Variants in MCC observed in about 807,000 individuals in gnomAD.
MCC encodes MCC regulator of Wnt signaling pathway, also known as colorectal mutant cancer protein.
Under a neutral mutation model 116.2 loss-of-function variants are expected in MCC, and 90 were observed. The observed-to-expected ratio is 0.77, with a 90% CI of 0.65 to 0.92. MCC has a LOEUF of 0.92. MCC is among the 40% of genes least tolerant of loss of function. The pLI is 0.00. For missense variants in MCC, 1,516 were observed against 1,312.2 expected (o/e 1.16, Z -2.40); for synonymous variants, 578 against 510.5 (o/e 1.13, Z -1.78).
intron 3 of MCC, among the ~76,000 whole-genome samples, chr5:113,157,341 T>A (rs769528596): frequency 6.6e-6 from 1 of 152,166 alleles, no homozygotes; most frequent in Non-Finnish European, 1.5e-5. Flanking sequence ...TGAAACACAG[T>A]TGGTAAAAAG....
intron 6 of MCC, among the ~76,000 whole-genome samples, chr5:113,118,006 G>A: frequency 6.6e-6 from 1 of 152,188 alleles, no homozygotes; most frequent in East Asian, 1.9e-4. Flanking sequence ...AGTATCAAAG[G>A]AAAGCCATCT....
chr5:113,326,276 C>G (rs1838208), intron 3 of MCC, among the ~76,000 whole-genome samples: 19,574 of 152,122 alleles, frequency 0.13, 1,946 homozygotes, highest in Admixed American at 0.27. Context: ...TCATTACATA[C>G]TATTTATGTA....
chr5:113,207,130 C>G (rs1223392102), intron 3 of MCC, among the ~76,000 whole-genome samples: 1 of 152,162 alleles, frequency 6.6e-6, no homozygotes, highest in Non-Finnish European at 1.5e-5. Flanking sequence ...GACACACATA[C>G]ACACAAAAAG....
At chr5:113,435,355 T>C (rs1228937544) in intron 1 of MCC, among the ~76,000 whole-genome samples, 1 of 151,642 alleles carries the variant, frequency 6.6e-6, no homozygotes, top group Non-Finnish European at 1.5e-5. Context: ...TACCCCAAGA[T>C]AGTAGCAGAC....
At chr5:113,166,287 A>C (rs1257544244) in intron 3 of MCC, among the ~76,000 whole-genome samples, 1 of 152,232 alleles carries the variant, frequency 6.6e-6, no homozygotes, top group Non-Finnish European at 1.5e-5. Flanking sequence ...GGCAGTGACT[A>C]GAAATACTGA....
chr5:113,207,640 G>C (rs757068672), intron 3 of MCC, among the ~76,000 whole-genome samples: 74 of 152,114 alleles, frequency 4.9e-4, no homozygotes, highest in Non-Finnish European at 9.1e-4. Flanking sequence ...TCTCAGCAGG[G>C]CTCCCTTGAA....
chr5:113,376,853 C>T (rs1171839986), intron 2 of MCC, among the ~76,000 whole-genome samples: 1 of 152,112 alleles, frequency 6.6e-6, no homozygotes, highest in Non-Finnish European at 1.5e-5. Context: ...CCAGGCCTGG[C>T]CAATCAGATC....
At chr5:113,148,390 C>T (rs1302807932) in intron 4 of MCC, among the ~76,000 whole-genome samples, 1 of 152,160 alleles carries the variant, frequency 6.6e-6, no homozygotes, top group Non-Finnish European at 1.5e-5. Context: ...ATGTCATGAG[C>T]ATAAATAAGA....
At chr5:113,291,093 T>C (rs751764060) in intron 3 of MCC, among the ~76,000 whole-genome samples, 67 of 152,236 alleles carry the variant, frequency 4.4e-4, no homozygotes, top group Admixed American at 1.6e-3. Flanking sequence ...CTATCTGCTG[T>C]AATCAACTCA....
intron 3 of MCC, among the ~76,000 whole-genome samples, chr5:113,191,745 T>C (rs544792346): frequency 1.3e-5 from 2 of 152,148 alleles, no homozygotes; most frequent in African/African-American, 2.4e-5. Context: ...AATGACGCAA[T>C]TGATTATAGA....
At chr5:113,206,702 G>A (rs745704409) in intron 3 of MCC, among the ~76,000 whole-genome samples, 1 of 152,160 alleles carries the variant, frequency 6.6e-6, no homozygotes, top group African/African-American at 2.4e-5. Context: ...GAGCGAGACT[G>A]TCTCAAAAAA....
At position 113,060,182 on chromosome 5, in the gene MCC, G is replaced by A. The variant is rs553662221; in HGVS notation, c.2213+3802C>T. On this transcript the variant is annotated intron_variant, in intron 14 of 18. Coordinates refer to ENST00000408903, the MANE Select transcript of MCC (RefSeq NM_001085377.2). ...TGTTTGTTTGTTTGTTTGAGACAGA[G>A]TCTCACTCTGTTGCCCACACTGGAG... Among the ~76,000 whole-genome samples, 52 of 152,222 alleles carry A rather than the reference G, an allele frequency of 3.4e-4. No homozygotes were observed. In the East Asian group the frequency reaches 9.3e-3, roughly 27 times the overall value.
chr5:113,277,835 A>C (rs571726689), intron 3 of MCC, among the ~76,000 whole-genome samples: 1 of 152,318 alleles, frequency 6.6e-6, no homozygotes, highest in South Asian at 2.1e-4. Flanking sequence ...CTGCATTGTG[A>C]GTGAACAGCC....
intron 14 of MCC, among the ~76,000 whole-genome samples, chr5:113,055,897 G>A (rs890114515): frequency 6.6e-6 from 1 of 152,194 alleles, no homozygotes; most frequent in African/African-American, 2.4e-5. Flanking sequence ...TCCCCCAAAA[G>A]GGAAAAAATT....
At chr5:113,401,955 T>C (rs1008148218) in intron 1 of MCC, among the ~76,000 whole-genome samples, 10 of 151,898 alleles carry the variant, frequency 6.6e-5, no homozygotes, top group Admixed American at 6.6e-4. Context: ...GCTCAAGCGA[T>C]CCTCCTGCCT....
At chr5:113,279,380 C>A (rs565091168) in intron 3 of MCC, among the ~76,000 whole-genome samples, 1 of 152,076 alleles carries the variant, frequency 6.6e-6, no homozygotes, top group African/African-American at 2.4e-5. Context: ...GTAACCCAGA[C>A]CTCATTGGAA....
At chr5:113,384,383 T>C (rs937582734) in intron 2 of MCC, among the ~76,000 whole-genome samples, 2 of 152,064 alleles carry the variant, frequency 1.3e-5, no homozygotes, top group African/African-American at 4.8e-5. Context: ...GGTCAGGAGA[T>C]CAAGACCATC....
intron 1 of MCC, among the ~76,000 whole-genome samples, chr5:113,470,162 G>C (rs1178484197): frequency 6.6e-6 from 1 of 151,804 alleles, no homozygotes; most frequent in African/African-American, 2.4e-5. Context: ...CTTTTAATTG[G>C]AGCATTTAGC....
At chr5:113,329,463 C>A (rs980735837) in intron 3 of MCC, among the ~76,000 whole-genome samples, 1 of 146,620 alleles carries the variant, frequency 6.8e-6, no homozygotes, top group Non-Finnish European at 1.5e-5. Flanking sequence ...TGTATACACA[C>A]ATGCATATAT....
Sources: gnomAD v4.1 joint callset for allele counts (sites outside exome capture counted in the v4.1 genomes callset) on GRCh38, gnomAD v4.1.1 for gene constraint, MANE v1.5 for transcripts, NCBI Gene and HGNC (gene_info 2026-07-23, HGNC 2026-07-21) for gene names.